MSI2: variants seen among roughly 807,000 people sequenced by gnomAD.
MSI2 encodes the protein musashi RNA binding protein 2.
A neutral mutation model predicts 45.6 loss-of-function variants in MSI2; 17 were observed. The ratio of observed to expected loss-of-function variants is 0.37; its 90% CI spans 0.26 to 0.56. The LOEUF (loss-of-function observed/expected upper bound fraction) is 0.56. MSI2 is among the 20% of genes least tolerant of loss of function. The pLI is 0.77. For synonymous variants in MSI2, 156 were observed against 158.2 expected, an observed-to-expected ratio of 0.99 and a Z score of 0.11; for missense variants, 293 against 444.2, an observed-to-expected ratio of 0.66 and a Z score of 3.06.
At chr17:57,387,720 T>C (rs2083709798) in intron 5 of MSI2, among the ~76,000 whole-genome samples, 1 of 152,194 alleles carries the variant, frequency 6.6e-6, no homozygotes, top group Non-Finnish European at 1.5e-5. Context: ...GTGTCATGCC[T>C]TTTCCAAGTA....
chr17:57,632,053 G>C (rs1909425812), intron 10 of MSI2: 6 of 1,332,554 alleles, frequency 4.5e-6, no homozygotes, highest in Non-Finnish European at 5.7e-6. Flanking sequence ...CTCCCACTTT[G>C]CTTCTTGTAT....
chr17:57,538,614 T>C (rs1432672074), intron 7 of MSI2, among the ~76,000 whole-genome samples: 2 of 152,112 alleles, frequency 1.3e-5, no homozygotes, highest in Non-Finnish European at 2.9e-5. Flanking sequence ...TCTTCCCCCT[T>C]CCTCCTTAAG....
intron 6 of MSI2, among the ~76,000 whole-genome samples, chr17:57,516,974 A>G (rs552337947): frequency 3.3e-5 from 5 of 152,218 alleles, no homozygotes; most frequent in Non-Finnish European, 7.3e-5. Context: ...TGAAGAGTTT[A>G]TGATCCTCCC....
chr17:57,304,328 G>T (rs1911687909), intron 5 of MSI2, among the ~76,000 whole-genome samples: 1 of 140,164 alleles, frequency 7.1e-6, no homozygotes, highest in South Asian at 2.3e-4. Flanking sequence ...CTGCACTTCA[G>T]CCTGGGCGAC....
the MSI2 span, among the ~76,000 whole-genome samples, chr17:57,697,526 G>A: frequency 1.1e-4 from 17 of 151,920 alleles, no homozygotes; most frequent in Non-Finnish European, 1.9e-4. Flanking sequence ...CCTTGAAGTC[G>A]CCCTACCCAT....
chr17:57,378,496 T>C (rs1312136428), intron 5 of MSI2, among the ~76,000 whole-genome samples: 1 of 152,086 alleles, frequency 6.6e-6, no homozygotes, highest in African/African-American at 2.4e-5. Context: ...TCTCCTGACC[T>C]AGTGATCTGC....
At chr17:57,436,687 G>T (rs1467215913) in intron 6 of MSI2, among the ~76,000 whole-genome samples, 1 of 152,208 alleles carries the variant, frequency 6.6e-6, no homozygotes, top group African/African-American at 2.4e-5. Flanking sequence ...TTGGGTGGAA[G>T]TGAAAGATGC....
chr17:57,422,725 A>G (rs2084418661), intron 6 of MSI2, among the ~76,000 whole-genome samples: 1 of 152,250 alleles, frequency 6.6e-6, no homozygotes, highest in Admixed American at 6.5e-5. Context: ...GATGTGGCGC[A>G]TTATATAAAT....
At chr17:57,277,002 A>G (rs1204926003) in intron 5 of MSI2, among the ~76,000 whole-genome samples, 1 of 149,980 alleles carries the variant, frequency 6.7e-6, no homozygotes, top group African/African-American at 2.5e-5. Flanking sequence ...GGGTTGTATC[A>G]TGTTAGGGAC....
chr17:57,495,296 G>A (rs1254571063), intron 6 of MSI2, among the ~76,000 whole-genome samples: 4 of 152,168 alleles, frequency 2.6e-5, no homozygotes, highest in African/African-American at 9.7e-5. Context: ...ACTTTGGGAG[G>A]CCGAGGCAGG....
At position 57,257,696 on chromosome 17, in the gene MSI2, C is replaced by G. The variant is rs561414405; in HGVS notation, c.185+149C>G. The G allele has an allele frequency of 2.1e-4, 122 of 591,386 alleles. 1 individual carries two copies. The East Asian group carries it at 3.5e-3, about 17-fold the overall frequency. 36.6% of individuals were successfully genotyped at this position (591,386 alleles called of 1,614,324 possible). On this transcript the variant is annotated intron_variant, in intron 3 of 13. Coordinates refer to ENST00000284073, the MANE Select transcript of MSI2 (RefSeq NM_138962.4). Reference sequence around the variant, plus strand: ...ACGGCGCTCTATACCACCCCCACCGCCCCCTAGTAACCCCAGAGGTTATTG... The same window carrying G: ...ACGGCGCTCTATACCACCCCCACCGGCCCCTAGTAACCCCAGAGGTTATTG...
chr17:57,582,970 C>G (rs1225613242), intron 7 of MSI2, among the ~76,000 whole-genome samples: 1 of 152,208 alleles, frequency 6.6e-6, no homozygotes, highest in African/African-American at 2.4e-5. Context: ...AAAGCACTTT[C>G]TCTACGGTAC....
the MSI2 span, among the ~76,000 whole-genome samples, chr17:57,699,038 AGAGAGAGTGTGTGT>A: frequency 2.2e-5 from 1 of 44,674 alleles, no homozygotes; most frequent in African/African-American, 1.4e-4. Context: ...AGAGAGAGAG[AGAGAGAGTGTGTGT>A]GTGTGTGTGT....
At chr17:57,654,432 C>G (rs1911435666) in intron 11 of MSI2, among the ~76,000 whole-genome samples, 1 of 152,232 alleles carries the variant, frequency 6.6e-6, no homozygotes, top group African/African-American at 2.4e-5. Flanking sequence ...CTCACTCCTT[C>G]TAGAAAATGA....
intron 3 of MSI2, 147 bp from the exon 4 acceptor site, chr17:57,258,123 A>G (rs1020003461): frequency 2.9e-5 from 19 of 659,950 alleles, no homozygotes; most frequent in Non-Finnish European, 4.1e-5. Context: ...GGCTGTAGGC[A>G]GGAGGGGAAT....
At chr17:57,543,847 C>T (rs931032831) in intron 7 of MSI2, among the ~76,000 whole-genome samples, 3 of 152,102 alleles carry the variant, frequency 2.0e-5, no homozygotes, top group African/African-American at 7.2e-5. Context: ...TAATAATTTC[C>T]CTTCATGTTA....
At chr17:57,567,706 G>A (rs72833092) in intron 7 of MSI2, among the ~76,000 whole-genome samples, 12,052 of 152,280 alleles carry the variant, frequency 0.079, 518 homozygotes, top group Middle Eastern at 0.15. Flanking sequence ...TTGGGAAGTC[G>A]GGGGTCTTCC....
chr17:57,307,145 G>A (rs559077050), intron 5 of MSI2, among the ~76,000 whole-genome samples: 1 of 152,300 alleles, frequency 6.6e-6, no homozygotes, highest in African/African-American at 2.4e-5. Flanking sequence ...GCAACCCCCT[G>A]TGATTAATTT....
chr17:57,351,823 C>T (rs1289672827), intron 5 of MSI2, among the ~76,000 whole-genome samples: 1 of 152,214 alleles, frequency 6.6e-6, no homozygotes, highest in Non-Finnish European at 1.5e-5. Context: ...CCACTGCACT[C>T]CAGCCTTGAC....
Sources: allele counts gnomAD v4.1 joint callset (sites outside exome capture counted in the v4.1 genomes callset), GRCh38; gene constraint gnomAD v4.1.1; transcripts MANE v1.5; gene names NCBI Gene and HGNC (gene_info 2026-07-23, HGNC 2026-07-21).